Variants in WDPCP observed in about 807,000 individuals in gnomAD.
The protein encoded by WDPCP is WD repeat-containing and planar cell polarity effector protein fritz homolog.
WDPCP carries 71 observed loss-of-function variants against 93.1 expected under a neutral mutation model. The observed-to-expected ratio is 0.76, with a 90% CI of 0.63 to 0.93. WDPCP has a LOEUF of 0.93. Ranked by LOEUF, WDPCP falls within the 40% of genes least tolerant of loss-of-function variation. The pLI is 0.00. For synonymous variants in WDPCP, 315 were observed against 315.0 expected (o/e 1.00, Z 0.00); for missense variants, 844 against 887.4 (o/e 0.95, Z 0.62).
At chr2:63,803,278 C>G (rs943937562) in intron 2 of WDPCP, among the ~76,000 whole-genome samples, 1 of 151,874 alleles carries the variant, frequency 6.6e-6, no homozygotes, top group Non-Finnish European at 1.5e-5. Context: ...TTTAAACATA[C>G]AAGGAAAAAT....
intron 2 of WDPCP, among the ~76,000 whole-genome samples, chr2:63,734,918 T>C (rs1264638856): frequency 1.3e-5 from 2 of 150,730 alleles, no homozygotes; most frequent in African/African-American, 2.4e-5. Flanking sequence ...GATAGATAGA[T>C]GATAGACAGA....
At chr2:63,498,856 A>C (rs768585531) in intron 1 of WDPCP, among the ~76,000 whole-genome samples, 11 of 152,252 alleles carry the variant, frequency 7.2e-5, no homozygotes, top group Non-Finnish European at 1.6e-4. Flanking sequence ...TGGCATCCAT[A>C]AGACATTTAA....
At chr2:63,304,951 T>C (rs899203534) in intron 13 of WDPCP, among the ~76,000 whole-genome samples, 4 of 152,014 alleles carry the variant, frequency 2.6e-5, no homozygotes, top group Admixed American at 6.6e-5. Context: ...TAGGCAGTTT[T>C]CCCCTCACGT....
intron 1 of WDPCP, among the ~76,000 whole-genome samples, chr2:63,816,970 AG>A (rs1401946159): frequency 3.9e-5 from 6 of 152,190 alleles, no homozygotes; most frequent in Non-Finnish European, 7.3e-5. Context: ...CTCTGGGGGC[AG>A]GGGTAAGGAC....
At chr2:63,329,126 C>CCTATCATTAACTCTAGAGACCTAGA (rs1211870608) in intron 12 of WDPCP, among the ~76,000 whole-genome samples, 1 of 152,164 alleles carries the variant, frequency 6.6e-6, no homozygotes, top group African/African-American at 2.4e-5. Flanking sequence ...TTACACTGTA[C>CCTATCATTAACTCTAGAGACCTAGA]GTTAGATCTC....
At chr2:63,129,928 A>G (rs781014140) in intron 17 of WDPCP, among the ~76,000 whole-genome samples, 2 of 152,192 alleles carry the variant, frequency 1.3e-5, no homozygotes, top group African/African-American at 4.8e-5. Flanking sequence ...AATAATTTAC[A>G]AGAAAAAAAG....
At chr2:63,487,422 T>C (rs1413542752) in intron 3 of WDPCP, 25 bp downstream of exon 3, 1 of 1,539,164 alleles carries the variant, frequency 6.5e-7, no homozygotes, top group Non-Finnish European at 9.0e-7. Context: ...TAATAAAAAT[T>C]AATTGCACAG....
intron 14 of WDPCP, among the ~76,000 whole-genome samples, chr2:63,232,110 G>T (rs1678954538): frequency 6.6e-6 from 1 of 152,164 alleles, no homozygotes; most frequent in Non-Finnish European, 1.5e-5. Flanking sequence ...AATGGTACTG[G>T]GAAAACTGGC....
intron 10 of WDPCP, among the ~76,000 whole-genome samples, chr2:63,392,679 T>C (rs1287957422): frequency 6.6e-6 from 1 of 151,812 alleles, no homozygotes; most frequent in Non-Finnish European, 1.5e-5. Context: ...AGAACTCAAA[T>C]AAATTTACAA....
chr2:63,643,553 T>C (rs1710010065), intron 3 of WDPCP: 2 of 428,284 alleles, frequency 4.7e-6, no homozygotes, highest in Non-Finnish European at 9.1e-6. Flanking sequence ...CTTGCCAGTC[T>C]CCAAACCAAT....
intron 14 of WDPCP, among the ~76,000 whole-genome samples, chr2:63,201,506 C>T (rs1299916830): frequency 6.6e-6 from 1 of 152,156 alleles, no homozygotes; most frequent in African/African-American, 2.4e-5. Context: ...GAATGATCTG[C>T]AGTACAATAG....
chr2:63,146,402 G>T (rs1237431911), intron 17 of WDPCP, among the ~76,000 whole-genome samples: 1 of 138,878 alleles, frequency 7.2e-6, no homozygotes, highest in Non-Finnish European at 1.5e-5. Flanking sequence ...TTTATTGAGA[G>T]CGTGTTTTTT....
intron 14 of WDPCP, among the ~76,000 whole-genome samples, chr2:63,185,053 T>A (rs1262002776): frequency 6.6e-6 from 1 of 152,242 alleles, no homozygotes; most frequent in Non-Finnish European, 1.5e-5. Flanking sequence ...CCAAAAGTTA[T>A]GTTTGTTCAT....
intron 14 of WDPCP, among the ~76,000 whole-genome samples, chr2:63,241,401 T>C (rs1277941518): frequency 6.6e-6 from 1 of 152,204 alleles, no homozygotes; most frequent in Non-Finnish European, 1.5e-5. Flanking sequence ...CACCCTGTAA[T>C]GCACAGTGTA....
At chr2:63,222,543 A>AT (rs1489995167) in intron 14 of WDPCP, among the ~76,000 whole-genome samples, 1 of 152,198 alleles carries the variant, frequency 6.6e-6, no homozygotes, top group Non-Finnish European at 1.5e-5. Context: ...GAGAAGACCT[A>AT]TAGGAAGCAG....
intron 6 of WDPCP, among the ~76,000 whole-genome samples, chr2:63,481,388 T>C (rs903681093): frequency 6.6e-6 from 1 of 152,094 alleles, no homozygotes; most frequent in African/African-American, 2.4e-5. Context: ...ATCCCACTAC[T>C]GGGTATCTAC....
intron 12 of WDPCP, among the ~76,000 whole-genome samples, chr2:63,355,902 C>A (rs529339620): frequency 4.6e-5 from 7 of 151,994 alleles, no homozygotes; most frequent in South Asian, 2.1e-4. Context: ...AACAAACAAA[C>A]AAAAAAACCC....
intron 6 of WDPCP, among the ~76,000 whole-genome samples, chr2:63,467,314 T>C (rs1017497732): frequency 8.6e-5 from 13 of 151,476 alleles, no homozygotes; most frequent in South Asian, 4.2e-4. Context: ...ACCCCATCTC[T>C]ACTAAAAATA....
At chr2:63,775,308 T>C (rs1383782351) in intron 2 of WDPCP, among the ~76,000 whole-genome samples, 1 of 152,238 alleles carries the variant, frequency 6.6e-6, no homozygotes, top group African/African-American at 2.4e-5. Context: ...TCTGAAAGAA[T>C]GGCTTTTATT....
Sources: gnomAD v4.1 joint callset for allele counts (sites outside exome capture counted in the v4.1 genomes callset) on GRCh38, gnomAD v4.1.1 for gene constraint, MANE v1.5 for transcripts, NCBI Gene and HGNC (gene_info 2026-07-23, HGNC 2026-07-21) for gene names.